Variants in MTUS2 observed in about 807,000 individuals in gnomAD.
MTUS2 encodes the protein microtubule associated scaffold protein 2.
In MTUS2, 40 loss-of-function variants were observed where a neutral mutation model predicts 114.1. The ratio of observed to expected loss-of-function variants is 0.35; its 90% CI spans 0.27 to 0.46. MTUS2 has a LOEUF of 0.46. Ranked by LOEUF, MTUS2 falls within the 20% of genes least tolerant of loss-of-function variation. The pLI is 1.00. For synonymous variants in MTUS2, 688 were observed against 672.0 expected (o/e 1.02, Z -0.37); for missense variants, 1,679 against 1,705.4 (o/e 0.98, Z 0.27).
chr13:29,178,955 AT>A (rs1893886298), intron 5 of MTUS2, among the ~76,000 whole-genome samples: 1 of 152,174 alleles, frequency 6.6e-6, no homozygotes, highest in Non-Finnish European at 1.5e-5. Flanking sequence ...TTTAAGAGAG[AT>A]GTAGTGCAGT....
intron 6 of MTUS2, among the ~76,000 whole-genome samples, chr13:29,314,318 G>T (rs1899896462): frequency 6.6e-6 from 1 of 152,166 alleles, no homozygotes; most frequent in Non-Finnish European, 1.5e-5. Flanking sequence ...ACTTGTGGGA[G>T]AATTAGCAAT....
intron 1 of MTUS2, among the ~76,000 whole-genome samples, chr13:28,827,756 C>T (rs1018230630): frequency 3.3e-5 from 5 of 152,018 alleles, no homozygotes; most frequent in Admixed American, 2.0e-4. Flanking sequence ...CCCCTCAAGC[C>T]GCAAAACCAG....
chr13:28,854,868 A>C (rs540168011), intron 2 of MTUS2, among the ~76,000 whole-genome samples: 1 of 152,254 alleles, frequency 6.6e-6, no homozygotes, highest in Non-Finnish European at 1.5e-5. Flanking sequence ...GCAGCTTAGT[A>C]TCCTGGCAGT....
At chr13:28,966,737 A>AC (rs1357142457) in intron 2 of MTUS2, among the ~76,000 whole-genome samples, 43 of 151,810 alleles carry the variant, frequency 2.8e-4, no homozygotes, top group African/African-American at 7.0e-4. Flanking sequence ...AAAAAAAAAA[A>AC]AAAAAAAAAA....
intron 2 of MTUS2, among the ~76,000 whole-genome samples, chr13:28,935,621 T>C (rs1424689016): frequency 1.3e-5 from 2 of 152,196 alleles, no homozygotes; most frequent in Non-Finnish European, 2.9e-5. Context: ...ATGCTGCTCC[T>C]GGCAAGCCCC....
At chr13:29,484,958 CAG>C (rs1470096806) in intron 10 of MTUS2, 1 of 152,270 alleles carries the variant, frequency 6.6e-6, no homozygotes, top group African/African-American at 2.4e-5. Flanking sequence ...AGTCGTGTCA[CAG>C]GGAACAGCTG....
intron 5 of MTUS2, among the ~76,000 whole-genome samples, chr13:29,183,986 A>G (rs1894115275): frequency 6.6e-6 from 1 of 152,176 alleles, no homozygotes; most frequent in Non-Finnish European, 1.5e-5. Context: ...TTGCCTATTT[A>G]CTTACCATCT....
Position 29,280,562 on chromosome 13 carries a change from ATAT to A in MTUS2, c.2645-1138_2645-1136del, listed in dbSNP as rs535452359. Among the ~76,000 whole-genome samples the A allele has an allele frequency of 2.4e-3, 371 of 152,364 alleles. 1 individual carries two copies. The highest frequency in any genetic ancestry group is 8.0e-3 in the African/African-American group (333 of 41,590). On this transcript the variant is annotated intron_variant, in intron 5 of 15. Transcript: ENST00000612955. ...TAGGAACACTAAAGCCATTTTAATA[ATAT>A]TATCATTTTTATGCAGGCCTTATCT...
At chr13:29,038,201 TTGTTGA>T (rs1047509051) in intron 4 of MTUS2, among the ~76,000 whole-genome samples, 4 of 152,236 alleles carry the variant, frequency 2.6e-5, no homozygotes, top group African/African-American at 9.6e-5. Flanking sequence ...GACATCTTTT[TTGTTGA>T]TGTTGATGTT....
intron 2 of MTUS2, among the ~76,000 whole-genome samples, chr13:29,002,309 G>GT (rs1157289415): frequency 2.6e-5 from 4 of 152,268 alleles, no homozygotes; most frequent in South Asian, 2.1e-4. Context: ...TCTGGGAACA[G>GT]TTTTTAGAAG....
In MTUS2 at chr13:28,897,945, A is replaced by T. The variant is rs577269147; in HGVS notation, c.-243+58095A>T. Among the ~76,000 whole-genome samples, 5 of 152,026 alleles carry T rather than the reference A, an allele frequency of 3.3e-5. No homozygotes were observed. The East Asian group carries it at 9.7e-4, about 29-fold the overall frequency. Reference sequence around the variant, plus strand: ...GGGATGGCATTAGGAGATATACCTAATGTTAAATGACGAGTTAATGGGTGC... The same window carrying T: ...GGGATGGCATTAGGAGATATACCTATTGTTAAATGACGAGTTAATGGGTGC... On this transcript the variant is annotated intron_variant, in intron 2 of 15. Transcript: ENST00000612955.
intron 8 of MTUS2, among the ~76,000 whole-genome samples, chr13:29,403,083 A>C (rs989657854): frequency 6.6e-6 from 1 of 152,204 alleles, no homozygotes; most frequent in African/African-American, 2.4e-5. Flanking sequence ...AGTTAGATGC[A>C]TGTCCTCAGC....
intron 2 of MTUS2, among the ~76,000 whole-genome samples, chr13:28,985,173 A>G (rs1255836108): frequency 1.3e-5 from 2 of 152,230 alleles, no homozygotes; most frequent in Non-Finnish European, 2.9e-5. Context: ...AGAAATATAT[A>G]TGGACATTCC....
chr13:28,882,742 A>C (rs1172284660), intron 2 of MTUS2, among the ~76,000 whole-genome samples: 2 of 152,144 alleles, frequency 1.3e-5, no homozygotes, highest in Non-Finnish European at 2.9e-5. Flanking sequence ...GTCTCTAAAA[A>C]ATTTTTTTTT....
At position 29,025,537 on chromosome 13, in the gene MTUS2, C is replaced by T; in HGVS notation, c.839C>T (p.Pro280Leu). The change falls in exon 3 of 16, where the codon CCA (proline) becomes CTA (leucine). Residue 280 changes from proline (P) to leucine (L), a missense_variant. This residue lies in a region of MTUS2 where 843 missense variants were observed against 770.8 expected (regional missense o/e 1.09). Transcript: ENST00000612955. ...CSEHTSHSAHPEPALNLTLAS... is the reference protein window; with the variant it reads ...CSEHTSHSAHLEPALNLTLAS... ...GAGCACACATCACATTCCGCCCATC[C>T]AGAGCCTGCTCTGAATTTGACTTTG... The T allele has an allele frequency of 6.2e-7, 1 of 1,613,866 alleles. No homozygotes were observed.
chr13:29,205,354 A>G (rs544463300), intron 5 of MTUS2, among the ~76,000 whole-genome samples: 1 of 152,324 alleles, frequency 6.6e-6, no homozygotes, highest in East Asian at 1.9e-4. Flanking sequence ...TACATCCATG[A>G]ATAGATTGTC....
chr13:29,167,062 T>C (rs1893345382), intron 5 of MTUS2, among the ~76,000 whole-genome samples: 1 of 152,184 alleles, frequency 6.6e-6, no homozygotes, highest in Non-Finnish European at 1.5e-5. Flanking sequence ...CTAGAACTGA[T>C]CATTAGGCTT....
intron 9 of MTUS2, among the ~76,000 whole-genome samples, chr13:29,479,171 T>A (rs1880955639): frequency 6.6e-6 from 1 of 152,158 alleles, no homozygotes; most frequent in African/African-American, 2.4e-5. Flanking sequence ...AATGCCAATG[T>A]CTCCCCAGTT....
chr13:29,446,437 C>A (rs1878286593), intron 9 of MTUS2, among the ~76,000 whole-genome samples: 1 of 152,194 alleles, frequency 6.6e-6, no homozygotes, highest in Non-Finnish European at 1.5e-5. Flanking sequence ...AAACTTTGCA[C>A]ACATTTCTCT....
Sources: allele counts gnomAD v4.1 joint callset (sites outside exome capture counted in the v4.1 genomes callset), GRCh38; gene constraint gnomAD v4.1.1; regional missense constraint gnomAD v4.1.1; transcripts MANE v1.5; gene names NCBI Gene and HGNC (gene_info 2026-07-23, HGNC 2026-07-21).